BRD7: variants seen among roughly 807,000 people sequenced by gnomAD.
The protein encoded by BRD7 is bromodomain-containing protein 7.
In BRD7, 15 loss-of-function variants were observed where a neutral mutation model predicts 82.1. The ratio of observed to expected loss-of-function variants is 0.18; its 90% CI spans 0.12 to 0.28. BRD7 has a LOEUF of 0.28. Ranked by LOEUF, BRD7 falls within the 10% of genes least tolerant of loss-of-function variation. BRD7 has a pLI of 1.00. For synonymous variants in BRD7, 232 were observed against 266.9 expected, an observed-to-expected ratio of 0.87 and a Z score of 1.27; for missense variants, 638 against 779.9, an observed-to-expected ratio of 0.82 and a Z score of 2.17.
At position 50,316,447 on chromosome 16, in the gene BRD7, TCTTA is replaced by T. The variant is rs1438863083; in HGVS notation, c.*2760_*2763del. 6.6e-6 allele frequency: 1 copy of T among 152,384 alleles called. No individual in the cohort carries two copies. 9.4% of individuals were successfully genotyped at this position (152,384 alleles called of 1,614,324 possible). ...TCTCCCCTGCCGTCCTTCAACTGTATCTTACTTTTCTTACCAGAAAGGAATGGAG... is the reference window on the plus strand; with the variant it reads ...TCTCCCCTGCCGTCCTTCAACTGTATCTTTTCTTACCAGAAAGGAATGGAG... On this transcript the variant is annotated 3_prime_UTR_variant, in exon 17 of 17. Transcript: ENST00000394688.
At chr16:50,349,405 TAA>T (rs1346396158) in intron 5 of BRD7, 1 of 351,638 alleles carries the variant, frequency 2.8e-6, no homozygotes, top group African/African-American at 2.2e-5. Context: ...AAAAAAAAAT[TAA>T]AAAAATGTAA....
intron 2 of BRD7, among the ~76,000 whole-genome samples, chr16:50,356,931 T>A (rs1393688321): frequency 6.6e-6 from 1 of 152,220 alleles, no homozygotes; most frequent in Non-Finnish European, 1.5e-5. Flanking sequence ...TCTTATGGAC[T>A]CAAAAAGCTA....
chr16:50,357,285 C>T (rs990683124), intron 2 of BRD7, among the ~76,000 whole-genome samples: 1 of 152,108 alleles, frequency 6.6e-6, no homozygotes, highest in Non-Finnish European at 1.5e-5. Context: ...TAGAGCTCTG[C>T]ACTCTATTTT....
intron 8 of BRD7, among the ~76,000 whole-genome samples, chr16:50,329,743 G>A (rs2037481309): frequency 6.6e-6 from 1 of 152,220 alleles, no homozygotes; most frequent in Non-Finnish European, 1.5e-5. Flanking sequence ...TTTGGCAACA[G>A]GAGCCCAGCT....
intron 2 of BRD7, among the ~76,000 whole-genome samples, chr16:50,364,100 C>G (rs2039046207): frequency 6.6e-6 from 1 of 151,718 alleles, no homozygotes; most frequent in Non-Finnish European, 1.5e-5. Flanking sequence ...ATTTTCCGGT[C>G]TCCCTATCAG....
In BRD7 at chr16:50,318,523, C is replaced by G. The variant is rs936532416; in HGVS notation, c.*688G>C. ...AAAAGGGGGCCATGAATCTTGTGGTCTCCTACTTAGAGTTCAACTCCTTGG... is the reference window on the plus strand; with the variant it reads ...AAAAGGGGGCCATGAATCTTGTGGTGTCCTACTTAGAGTTCAACTCCTTGG... On this transcript the variant is annotated 3_prime_UTR_variant, in exon 17 of 17. Coordinates refer to ENST00000394688, the MANE Select transcript of BRD7 (RefSeq NM_013263.5). The G allele has an allele frequency of 5.3e-5, 8 of 152,156 alleles. No homozygotes were observed. Among genetic ancestry groups the G allele is most frequent in the African/African-American group, 1.9e-4 (8 of 41,422 alleles). 9.4% of individuals were successfully genotyped at this position (152,156 alleles called of 1,614,324 possible).
intron 2 of BRD7, among the ~76,000 whole-genome samples, chr16:50,359,184 A>C (rs2038849969): frequency 6.6e-6 from 1 of 152,244 alleles, no homozygotes; most frequent in Non-Finnish European, 1.5e-5. Flanking sequence ...GTGCCATTTA[A>C]CTTTAGGTAG....
intron 9 of BRD7, among the ~76,000 whole-genome samples, chr16:50,327,277 G>A (rs942905764): frequency 3.3e-5 from 5 of 152,104 alleles, no homozygotes; most frequent in East Asian, 1.9e-4. Context: ...ATTTGATTAG[G>A]TCTCAGAAAC....
Position 50,320,747 on chromosome 16 carries a change from A to G in BRD7, c.1528T>C (p.Leu510=), listed in dbSNP as rs779839531. ...AGCCTGTCTTGAGTACTGGAGTCCA[A>G]ACGCCCTGGTGGCTCTACTTCTGTA... The part of the protein sequence containing the change: ...EITEVEPPGR[L]DSSTQDRLIA... The change falls in exon 14 of 17, where the codon TTG becomes CTG. Residue 510 remains leucine (L), a synonymous_variant. Coordinates refer to ENST00000394688, the MANE Select transcript of BRD7 (RefSeq NM_013263.5). 2 of 1,614,152 alleles carry G rather than the reference A, an allele frequency of 1.2e-6. No homozygotes were observed. Among genetic ancestry groups the G allele is most frequent in the East Asian group, 2.2e-5 (1 of 44,880 alleles).
At chr16:50,347,748 A>G (rs1427686629) in intron 5 of BRD7, among the ~76,000 whole-genome samples, 2 of 152,240 alleles carry the variant, frequency 1.3e-5, no homozygotes, top group Non-Finnish European at 2.9e-5. Flanking sequence ...CCACTGCTCA[A>G]TGAAATAAAA....
chr16:50,367,988 T>C (rs1186483244), intron 2 of BRD7, 102 bp downstream of exon 2: 1 of 1,179,426 alleles, frequency 8.5e-7, no homozygotes, highest in Admixed American at 1.9e-5. Context: ...AGCCAGATCT[T>C]AGAGGCGTTT....
At chr16:50,348,389 A>G (rs2038376066) in intron 5 of BRD7, among the ~76,000 whole-genome samples, 1 of 152,230 alleles carries the variant, frequency 6.6e-6, no homozygotes, top group African/African-American at 2.4e-5. Flanking sequence ...AGCAATGGCA[A>G]CAAAAGCCAA....
intron 2 of BRD7, among the ~76,000 whole-genome samples, chr16:50,355,958 T>C (rs1008951702): frequency 2.6e-5 from 4 of 152,160 alleles, no homozygotes; most frequent in Admixed American, 1.3e-4. Flanking sequence ...GAAGAGCATC[T>C]ATAAATCTAT....
At chr16:50,360,308 A>C (rs1021836330) in intron 2 of BRD7, among the ~76,000 whole-genome samples, 1 of 152,258 alleles carries the variant, frequency 6.6e-6, no homozygotes, top group Non-Finnish European at 1.5e-5. Context: ...GTCCTTAGTA[A>C]TAAGTACTGT....
chr16:50,319,171 A>G lies in BRD7; in HGVS notation c.*40T>C, dbSNP rs758978675. The G allele has an allele frequency of 2.1e-5, 31 of 1,474,180 alleles. No individual in the cohort carries two copies. Among genetic ancestry groups the G allele is most frequent in the Non-Finnish European group, 2.9e-5 (31 of 1,075,450 alleles). 91.3% of individuals were successfully genotyped at this position (1,474,180 alleles called of 1,614,324 possible). A position where few individuals can be genotyped will look rare whatever the true frequency, so the allele number is the denominator to read the frequency against. ...AAAAGCATTTCTAAGTTAAGAATGA[A>G]AAAGTATGTACATAATATATAATCA... is the stretch of plus-strand genomic sequence containing the variant. On this transcript the variant is annotated 3_prime_UTR_variant, in exon 17 of 17. Transcript: ENST00000394688.
In BRD7 at chr16:50,324,878, G is replaced by C. The variant is rs77992391; in HGVS notation, c.1331+870C>G. Among the ~76,000 whole-genome samples, 24 of 152,300 alleles carry C rather than the reference G, an allele frequency of 1.6e-4. No homozygotes were observed. In the East Asian group the frequency reaches 4.4e-3, roughly 28 times the overall value. ...CATGATCCAGAAAGAATTCATTCAG[G>C]CTGGTGAGGTCTAAAAGATTAAATG... On this transcript the variant is annotated intron_variant, in intron 11 of 16. Transcript: ENST00000394688.
chr16:50,354,417 A>C lies in BRD7; in HGVS notation c.446+8T>G, dbSNP rs754413939. 3 of 1,607,288 alleles carry C rather than the reference A, an allele frequency of 1.9e-6. No individual in the cohort carries two copies. In the South Asian group the frequency reaches 3.3e-5, roughly 18 times the overall value. ...TCTATGTTATAAAAATATTGGAAAAACATTTACCTCTGCAATTGTCTCATC... is the reference window on the plus strand; with the variant it reads ...TCTATGTTATAAAAATATTGGAAAACCATTTACCTCTGCAATTGTCTCATC... On this transcript the variant is annotated splice_region_variant and intron_variant, in intron 4 of 16. Transcript: ENST00000394688.
rs113643297 is a variant in BRD7 at position 50,321,864 on chromosome 16, C to T, written c.1500+118G>A. 263 of 892,470 alleles carry T rather than the reference C, an allele frequency of 2.9e-4. No homozygotes were observed. In the African/African-American group the frequency reaches 3.7e-3, roughly 13 times the overall value. 55.3% of individuals were successfully genotyped at this position (892,470 alleles called of 1,614,324 possible). Reference sequence around the variant, plus strand: ...GTTTGCCATTTCAGCTAGGCCCTCACAACTCTACTCACTAACCTTTTTCCT... The same window carrying T: ...GTTTGCCATTTCAGCTAGGCCCTCATAACTCTACTCACTAACCTTTTTCCT... On this transcript the variant is annotated intron_variant, in intron 13 of 16. Coordinates refer to ENST00000394688, the MANE Select transcript of BRD7 (RefSeq NM_013263.5).
intron 8 of BRD7, among the ~76,000 whole-genome samples, chr16:50,330,101 T>C (rs1024494558): frequency 3.9e-5 from 6 of 152,160 alleles, no homozygotes; most frequent in Non-Finnish European, 4.4e-5. Flanking sequence ...ATACCAAGAG[T>C]TGTAAGCAGA....
Sources: gnomAD v4.1 joint callset for allele counts (sites outside exome capture counted in the v4.1 genomes callset) on GRCh38, gnomAD v4.1.1 for gene constraint, MANE v1.5 for transcripts, NCBI Gene and HGNC (gene_info 2026-07-23, HGNC 2026-07-21) for gene names.